The following NR3C1 variants were observed in gnomAD, a reference collection of about 807,000 sequenced individuals.
The protein encoded by NR3C1 is glucocorticoid receptor.
Under a neutral mutation model 74.0 loss-of-function variants are expected in NR3C1, and 14 were observed. The observed-to-expected ratio is 0.19, with a 90% CI of 0.12 to 0.30. NR3C1 has a LOEUF of 0.30. Among genes scored for constraint, NR3C1 ranks in the 10% least tolerant of loss-of-function variants. NR3C1 has a pLI of 1.00. For synonymous variants in NR3C1, 308 were observed against 332.5 expected (o/e 0.93, Z 0.80); for missense variants, 695 against 909.8 (o/e 0.76, Z 3.04).
intron 1 of NR3C1, among the ~76,000 whole-genome samples, chr5:143,423,982 T>C (rs754961856): frequency 2.5e-4 from 36 of 142,830 alleles, no homozygotes; most frequent in Admixed American, 1.0e-3. Context: ...TTTAACCGCA[T>C]ATTCTCACTC....
At chr5:143,296,034 A>G (rs1048380956) in intron 6 of NR3C1, among the ~76,000 whole-genome samples, 3 of 152,204 alleles carry the variant, frequency 2.0e-5, no homozygotes, top group African/African-American at 7.2e-5. Flanking sequence ...GACACTGTTC[A>G]CAGTTATGCA....
intron 2 of NR3C1, among the ~76,000 whole-genome samples, chr5:143,363,910 G>C (rs1350180892): frequency 6.6e-6 from 1 of 151,900 alleles, no homozygotes; most frequent in Non-Finnish European, 1.5e-5. Context: ...GAGACTTCTG[G>C]GACACCACCA....
At chr5:143,402,457 T>TA in intron 1 of NR3C1, 1 of 376,604 alleles carries the variant, frequency 2.7e-6, no homozygotes. Flanking sequence ...ACAAAACCAT[T>TA]ACGGTTACAG....
intron 5 of NR3C1, among the ~76,000 whole-genome samples, 191 bp from the exon 6 acceptor site, chr5:143,299,003 GTGT>G: frequency 8.7e-6 from 1 of 115,518 alleles, no homozygotes; most frequent in East Asian, 2.4e-4. Context: ...AAACCCTCTT[GTGT>G]TTTTTTTTTT....
chr5:143,376,853 A>G (rs781224877), intron 2 of NR3C1, among the ~76,000 whole-genome samples: 2 of 152,176 alleles, frequency 1.3e-5, no homozygotes, highest in African/African-American at 4.8e-5. Context: ...ACCATCTGTG[A>G]CTTAAGGGTA....
At chr5:143,373,825 G>A (rs1429480174) in intron 2 of NR3C1, among the ~76,000 whole-genome samples, 1 of 152,114 alleles carries the variant, frequency 6.6e-6, no homozygotes, top group East Asian at 1.9e-4. Context: ...GCACCAAAGG[G>A]AATAGCAATG....
At chr5:143,361,346 C>T (rs1832197225) in intron 2 of NR3C1, among the ~76,000 whole-genome samples, 1 of 152,186 alleles carries the variant, frequency 6.6e-6, no homozygotes, top group Admixed American at 6.5e-5. Flanking sequence ...CTTTAACCAA[C>T]ATTCTTAACA....
At chr5:143,369,599 A>C (rs1833901318) in intron 2 of NR3C1, among the ~76,000 whole-genome samples, 1 of 152,216 alleles carries the variant, frequency 6.6e-6, no homozygotes, top group South Asian at 2.1e-4. Context: ...CAGGTACAAG[A>C]AGCCACATAT....
At chr5:143,332,148 G>A (rs916134271) in intron 2 of NR3C1, among the ~76,000 whole-genome samples, 5 of 152,242 alleles carry the variant, frequency 3.3e-5, no homozygotes, top group East Asian at 1.9e-4. Flanking sequence ...GACTAAATGT[G>A]TCATTGCTGA....
In NR3C1 at chr5:143,329,547, A is replaced by G. The variant is rs117766338; in HGVS notation, c.1185-15379T>C. ...ATCTAAATTTGCATTCAAGATTCCAAGTCTACTGCTGCTTTATTTTTTTGC... is the reference window on the plus strand; with the variant it reads ...ATCTAAATTTGCATTCAAGATTCCAGGTCTACTGCTGCTTTATTTTTTTGC... On this transcript the variant is annotated intron_variant, in intron 2 of 8. Coordinates refer to ENST00000394464, the MANE Select transcript of NR3C1 (RefSeq NM_000176.3). Among the ~76,000 whole-genome samples the G allele has an allele frequency of 1.0e-3, 155 of 152,326 alleles. 3 individuals carry two copies. The East Asian group carries it at 0.022, about 22-fold the overall frequency.
chr5:143,400,911 C>T (rs1840150900), intron 1 of NR3C1, 59 bp from the exon 2 acceptor site: 1 of 1,290,430 alleles, frequency 7.7e-7, no homozygotes, highest in Non-Finnish European at 1.1e-6. Flanking sequence ...GTCACATTAT[C>T]TTCCTGATCC....
intron 2 of NR3C1, among the ~76,000 whole-genome samples, chr5:143,329,647 A>G (rs985618121): frequency 1.3e-5 from 2 of 152,218 alleles, no homozygotes; most frequent in Non-Finnish European, 2.9e-5. Context: ...CAATATTATA[A>G]TAATTAGAGG....
chr5:143,400,120 G>A lies in NR3C1; in HGVS notation c.720C>T (p.Asn240=). The A allele has an allele frequency of 6.2e-7, 1 of 1,614,196 alleles. No individual in the cohort carries two copies. Among genetic ancestry groups the A allele is most frequent in the Non-Finnish European group, 8.5e-7 (1 of 1,180,044 alleles). Residue 240 remains asparagine (N), a synonymous_variant, in exon 2 of 9, where the codon AAC becomes AAT. Coordinates refer to ENST00000394464, the MANE Select transcript of NR3C1 (RefSeq NM_000176.3). The stretch of plus-strand genomic sequence containing the variant: ...TGAGAGGCTTGCAGTCCTCATTCGA[G>A]TTTCCTTCCAAAAGGAATGAATCGT... ...GEDDSFLLEG[N]SNEDCKPLIL... is the part of the protein sequence containing the mutation.
At chr5:143,380,054 G>T (rs1188826414) in intron 2 of NR3C1, among the ~76,000 whole-genome samples, 1 of 152,088 alleles carries the variant, frequency 6.6e-6, no homozygotes, top group Non-Finnish European at 1.5e-5. Flanking sequence ...AAGTGGGAAG[G>T]CACCCAGTAT....
chr5:143,414,661 A>G (rs1441936806), intron 1 of NR3C1, among the ~76,000 whole-genome samples: 1 of 151,960 alleles, frequency 6.6e-6, no homozygotes, highest in Admixed American at 6.6e-5. Flanking sequence ...TTTTATTTCT[A>G]CCTATGAGAT....
At chr5:143,351,766 T>A (rs1298336760) in intron 2 of NR3C1, among the ~76,000 whole-genome samples, 5 of 152,202 alleles carry the variant, frequency 3.3e-5, no homozygotes, top group African/African-American at 1.2e-4. Context: ...ACTTTCTTTA[T>A]AAAGGTTCTC....
intron 4 of NR3C1, among the ~76,000 whole-genome samples, chr5:143,302,895 C>T (rs935970176): frequency 4.6e-5 from 7 of 152,046 alleles, no homozygotes; most frequent in Admixed American, 3.3e-4. Flanking sequence ...GCAGTCAATA[C>T]AGGAGCTCCA....
At chr5:143,289,832 T>C (rs770308197) in intron 7 of NR3C1, among the ~76,000 whole-genome samples, 3 of 152,196 alleles carry the variant, frequency 2.0e-5, no homozygotes, top group East Asian at 1.9e-4. Context: ...GAGGAGGATA[T>C]AGAATGGATC....
At chr5:143,364,648 A>T (rs1420672580) in intron 2 of NR3C1, among the ~76,000 whole-genome samples, 1 of 152,226 alleles carries the variant, frequency 6.6e-6, no homozygotes, top group African/African-American at 2.4e-5. Flanking sequence ...AGAGGTATAC[A>T]GAGGCAAAGT....
Sources: gnomAD v4.1 joint callset for allele counts (sites outside exome capture counted in the v4.1 genomes callset) on GRCh38, gnomAD v4.1.1 for gene constraint, MANE v1.5 for transcripts, NCBI Gene and HGNC (gene_info 2026-07-23, HGNC 2026-07-21) for gene names.